The following SLC8A1 variants were observed in gnomAD, a reference collection of about 807,000 sequenced individuals.
SLC8A1 encodes the protein sodium/calcium exchanger 1.
SLC8A1 carries 18 observed loss-of-function variants against 68.3 expected under a neutral mutation model. The ratio of observed to expected loss-of-function variants is 0.26; its 90% CI spans 0.18 to 0.39. SLC8A1 has a LOEUF of 0.39. Among genes scored for constraint, SLC8A1 ranks in the 10% least tolerant of loss-of-function variants. SLC8A1 has a pLI of 1.00. For missense variants in SLC8A1, 985 were observed against 1,156.7 expected, an observed-to-expected ratio of 0.85 and a Z score of 2.15; for synonymous variants, 475 against 415.5, an observed-to-expected ratio of 1.14 and a Z score of -1.74.
At chr2:40,118,087 A>G (rs749238396) in intron 7 of SLC8A1, among the ~76,000 whole-genome samples, 1 of 152,214 alleles carries the variant, frequency 6.6e-6, no homozygotes, top group Non-Finnish European at 1.5e-5. Flanking sequence ...ACTATGCTAC[A>G]CAGGCAACGT....
intron 7 of SLC8A1, chr2:40,123,103 C>T (rs2037285993): frequency 6.6e-6 from 1 of 152,196 alleles, no homozygotes; most frequent in African/African-American, 2.4e-5. Context: ...GACTCCACTA[C>T]ACACACCTAG....
chr2:40,148,928 T>G (rs2042936776), intron 6 of SLC8A1, among the ~76,000 whole-genome samples: 1 of 152,224 alleles, frequency 6.6e-6, no homozygotes, highest in African/African-American at 2.4e-5. Flanking sequence ...CTTGTTTGTC[T>G]GTCTGCCATG....
chr2:40,220,757 C>T (rs2058209541), intron 2 of SLC8A1, among the ~76,000 whole-genome samples: 2 of 151,946 alleles, frequency 1.3e-5, no homozygotes, highest in South Asian at 2.1e-4. Flanking sequence ...TCATCCTTTT[C>T]CTGACAGGCT....
intron 1 of SLC8A1, among the ~76,000 whole-genome samples, chr2:40,435,385 G>C (rs571488907): frequency 6.6e-6 from 1 of 150,992 alleles, no homozygotes; most frequent in African/African-American, 2.4e-5. Context: ...TCCAGCCTCA[G>C]GCTATCAGAC....
At chr2:40,512,331 C>G (rs1047457570) in intron 1 of SLC8A1, 6 of 152,306 alleles carry the variant, frequency 3.9e-5, no homozygotes, top group Non-Finnish European at 8.8e-5. Context: ...AGTTCCATCA[C>G]AAAAGCCCGG....
At chr2:40,387,165 C>A (rs1415002092) in intron 2 of SLC8A1, among the ~76,000 whole-genome samples, 2 of 151,400 alleles carry the variant, frequency 1.3e-5, no homozygotes, top group East Asian at 3.9e-4. Context: ...GTCTTTCTTT[C>A]CTTGTATTTT....
chr2:40,272,614 G>A lies in SLC8A1; in HGVS notation c.1809-94759C>T, dbSNP rs181704787. Among the ~76,000 whole-genome samples, 306 of 152,302 alleles carry A rather than the reference G, an allele frequency of 2.0e-3. 3 individuals are homozygous for A. Among genetic ancestry groups the A allele is most frequent in the African/African-American group, 6.7e-3 (278 of 41,548 alleles). ...GCCTGCCTTATCTGTTGAGAAGCTC[G>A]CATGAGCTCACCACTAACCAAGTCA... On this transcript the variant is annotated intron_variant, in intron 2 of 7. Coordinates refer to ENST00000406785, the Ensembl canonical transcript of SLC8A1.
exon 8 of SLC8A1, chr2:40,112,116 C>G (rs1454687116): frequency 1.3e-5 from 2 of 152,420 alleles, no homozygotes; most frequent in African/African-American, 4.8e-5. Context: ...CTGTTTTTTT[C>G]TTTGGATGAT....
intron 2 of SLC8A1, among the ~76,000 whole-genome samples, chr2:40,400,228 T>C (rs970209994): frequency 6.6e-5 from 10 of 152,164 alleles, no homozygotes; most frequent in Non-Finnish European, 1.3e-4. Flanking sequence ...TTTAACTTGG[T>C]GTCTGAGGAG....
intron 2 of SLC8A1, among the ~76,000 whole-genome samples, chr2:40,321,559 T>C (rs1350825395): frequency 1.3e-5 from 2 of 152,152 alleles, no homozygotes; most frequent in East Asian, 3.9e-4. Flanking sequence ...CTCACAGTTC[T>C]GCAGGGCTGT....
intron 6 of SLC8A1, among the ~76,000 whole-genome samples, chr2:40,160,125 G>A (rs997108983): frequency 6.6e-6 from 1 of 152,164 alleles, no homozygotes; most frequent in Non-Finnish European, 1.5e-5. Context: ...CACACAAAGA[G>A]TGGACAGGGT....
chr2:40,317,818 A>C (rs540414833), intron 2 of SLC8A1, among the ~76,000 whole-genome samples: 57 of 152,210 alleles, frequency 3.7e-4, no homozygotes, highest in African/African-American at 1.3e-3. Context: ...AATTTGTGTT[A>C]TGTCCCCAAT....
intron 1 of SLC8A1, among the ~76,000 whole-genome samples, chr2:40,444,412 T>C (rs1450379091): frequency 2.0e-5 from 3 of 152,122 alleles, no homozygotes; most frequent in South Asian, 4.1e-4. Flanking sequence ...TGGGGCCTGA[T>C]AACTGAAAGA....
intron 6 of SLC8A1, among the ~76,000 whole-genome samples, chr2:40,145,366 A>G (rs976415337): frequency 6.6e-6 from 1 of 152,122 alleles, no homozygotes; most frequent in African/African-American, 2.4e-5. Flanking sequence ...TTCTGAATCA[A>G]ACATCTTGGT....
At chr2:40,200,263 T>TAA (rs2054110749) in intron 2 of SLC8A1, among the ~76,000 whole-genome samples, 34 of 80,402 alleles carry the variant, frequency 4.2e-4, no homozygotes, top group South Asian at 7.9e-4. Flanking sequence ...TATATATATA[T>TAA]ATATAACCTC....
At chr2:40,109,243 C>G (rs975408731) in exon 8 of SLC8A1, 1 of 152,024 alleles carries the variant, frequency 6.6e-6, no homozygotes, top group Non-Finnish European at 1.5e-5. Flanking sequence ...AAGCATTTGA[C>G]CCACTCATAT....
intron 2 of SLC8A1, among the ~76,000 whole-genome samples, chr2:40,399,174 A>G (rs1056784622): frequency 6.6e-6 from 1 of 152,186 alleles, no homozygotes; most frequent in Non-Finnish European, 1.5e-5. Context: ...ACAGAACTGC[A>G]GAAATGTTGA....
chr2:40,324,029 G>A (rs34478780), intron 2 of SLC8A1, among the ~76,000 whole-genome samples: 14 of 134,644 alleles, frequency 1.0e-4, no homozygotes, highest in African/African-American at 3.8e-4. Context: ...AGTTAAAGGT[G>A]GGGGGGGGGC....
chr2:40,178,969 T>C (rs1558640823), intron 2 of SLC8A1, among the ~76,000 whole-genome samples: 2 of 152,250 alleles, frequency 1.3e-5, no homozygotes. Context: ...CACTGTGCTT[T>C]ATTATAGTTC....
Sources: allele counts gnomAD v4.1 joint callset (sites outside exome capture counted in the v4.1 genomes callset), GRCh38; gene constraint gnomAD v4.1.1; transcripts MANE v1.5; gene names NCBI Gene and HGNC (gene_info 2026-07-23, HGNC 2026-07-21).